Variants in TNKS observed in about 807,000 individuals in gnomAD.
TNKS encodes poly [ADP-ribose] polymerase tankyrase-1.
A neutral mutation model predicts 135.8 loss-of-function variants in TNKS; 72 were observed. That is an observed-to-expected ratio of 0.53 (90% CI 0.44 to 0.64). The LOEUF (loss-of-function observed/expected upper bound fraction) is 0.64. Ranked by LOEUF, TNKS falls within the 30% of genes least tolerant of loss-of-function variation. The pLI is 0.00. For synonymous variants in TNKS, 849 were observed against 649.3 expected, an observed-to-expected ratio of 1.31 and a Z score of -4.68; for missense variants, 1,769 against 1,674.0, an observed-to-expected ratio of 1.06 and a Z score of -0.99.
intron 2 of TNKS, among the ~76,000 whole-genome samples, chr8:9,611,385 G>C (rs770461900): frequency 1.1e-4 from 17 of 151,978 alleles, no homozygotes; most frequent in South Asian, 2.1e-4. Flanking sequence ...GGTGTATTTT[G>C]GGAACTTTGC....
chr8:9,767,953 C>T (rs778539132), intron 25 of TNKS, among the ~76,000 whole-genome samples: 74 of 133,498 alleles, frequency 5.5e-4, no homozygotes, highest in Non-Finnish European at 9.1e-4. Context: ...AGAGAGACTC[C>T]GTCTCAAAAA....
rs562090697 is a variant in TNKS at position 9,781,027 on chromosome 8, G to A, written c.*4291G>A. On this transcript the variant is annotated 3_prime_UTR_variant, in exon 27 of 27. Transcript: ENST00000310430. Reference sequence around the variant, plus strand: ...TAATTGTTTTAAAATGTAAATTATGGTTATGCTAAAGTGAAAACCTAGAGG... The same window carrying A: ...TAATTGTTTTAAAATGTAAATTATGATTATGCTAAAGTGAAAACCTAGAGG... The A allele has an allele frequency of 1.8e-4, 28 of 152,240 alleles. No homozygotes were observed. Among genetic ancestry groups the A allele is most frequent in the African/African-American group, 6.7e-4 (28 of 41,536 alleles). 9.4% of individuals were successfully genotyped at this position (152,240 alleles called of 1,614,324 possible).
At chr8:9,682,505 C>T (rs1030074311) in intron 5 of TNKS, among the ~76,000 whole-genome samples, 2 of 152,078 alleles carry the variant, frequency 1.3e-5, no homozygotes, top group Non-Finnish European at 2.9e-5. Flanking sequence ...CTTCCTTTAA[C>T]TAGAACCAAT....
intron 3 of TNKS, among the ~76,000 whole-genome samples, chr8:9,671,443 G>A (rs536929035): frequency 2.3e-4 from 35 of 152,256 alleles, no homozygotes; most frequent in African/African-American, 8.2e-4. Flanking sequence ...TCAAAGTACC[G>A]ATATGTCCAA....
At chr8:9,766,804 C>T (rs1397113495) in intron 25 of TNKS, among the ~76,000 whole-genome samples, 3 of 152,050 alleles carry the variant, frequency 2.0e-5, no homozygotes, top group Non-Finnish European at 4.4e-5. Flanking sequence ...TTATCAGGCT[C>T]TGCAGAAGTC....
chr8:9,589,585 T>C (rs1371109578), intron 2 of TNKS, among the ~76,000 whole-genome samples: 1 of 152,220 alleles, frequency 6.6e-6, no homozygotes, highest in Non-Finnish European at 1.5e-5. Context: ...TGCCCCACTT[T>C]GAGTTAGATG....
At chr8:9,655,288 C>T (rs1013849543) in intron 3 of TNKS, among the ~76,000 whole-genome samples, 3 of 152,220 alleles carry the variant, frequency 2.0e-5, no homozygotes, top group Non-Finnish European at 4.4e-5. Context: ...AGGAGGCCTG[C>T]CTGCCTCTGT....
chr8:9,681,630 G>T (rs1802786538), intron 5 of TNKS, among the ~76,000 whole-genome samples: 1 of 152,032 alleles, frequency 6.6e-6, no homozygotes, highest in South Asian at 2.1e-4. Flanking sequence ...GAGGAAAATT[G>T]TATGTCTGAT....
chr8:9,712,454 T>G (rs891003461), intron 11 of TNKS, among the ~76,000 whole-genome samples: 1 of 152,104 alleles, frequency 6.6e-6, no homozygotes, highest in African/African-American at 2.4e-5. Flanking sequence ...TACTGCAGCC[T>G]GGGCAACAGA....
chr8:9,641,647 AT>A (rs368917104), intron 3 of TNKS, among the ~76,000 whole-genome samples: 2,127 of 141,136 alleles, frequency 0.015, 220 homozygotes, highest in African/African-American at 0.027. Context: ...CTGAGAATGT[AT>A]TTTTTTTTTA....
chr8:9,723,014 T>C (rs764218631), intron 12 of TNKS, among the ~76,000 whole-genome samples: 1 of 152,118 alleles, frequency 6.6e-6, no homozygotes, highest in Non-Finnish European at 1.5e-5. Context: ...TCCTTTAAAA[T>C]TGATTTTTGA....
chr8:9,655,960 G>C (rs866956846), intron 3 of TNKS, among the ~76,000 whole-genome samples: 2 of 152,244 alleles, frequency 1.3e-5, no homozygotes, highest in South Asian at 2.1e-4. Flanking sequence ...AAAGGAGGAG[G>C]TTTGAACCGA....
intron 26 of TNKS, among the ~76,000 whole-genome samples, chr8:9,772,078 A>G (rs908302875): frequency 7.5e-6 from 1 of 133,862 alleles, no homozygotes; most frequent in African/African-American, 2.9e-5. Context: ...GGAGAGAGGG[A>G]GAGAGAAGGA....
intron 5 of TNKS, among the ~76,000 whole-genome samples, chr8:9,682,315 A>T (rs1473766869): frequency 6.6e-6 from 1 of 152,120 alleles, no homozygotes; most frequent in Non-Finnish European, 1.5e-5. Context: ...GATTTCTGTC[A>T]CAGCCTCGTT....
At chr8:9,638,694 G>C (rs566724382) in intron 3 of TNKS, among the ~76,000 whole-genome samples, 1 of 152,174 alleles carries the variant, frequency 6.6e-6, no homozygotes, top group African/African-American at 2.4e-5. Context: ...TTTAACCAAA[G>C]AGTGGAAGTA....
At chr8:9,568,449 G>A (rs1797632836) in intron 1 of TNKS, among the ~76,000 whole-genome samples, 1 of 151,936 alleles carries the variant, frequency 6.6e-6, no homozygotes, top group Non-Finnish European at 1.5e-5. Flanking sequence ...TTGTTTATGT[G>A]GGTTCTGTCT....
intron 2 of TNKS, among the ~76,000 whole-genome samples, chr8:9,604,443 G>C (rs568369990): frequency 5.0e-4 from 76 of 152,130 alleles, no homozygotes; most frequent in South Asian, 1.5e-3. Context: ...GTTGGTAGTA[G>C]AATTAAATAG....
At chr8:9,565,348 C>T (rs975974033) in intron 1 of TNKS, among the ~76,000 whole-genome samples, 1 of 151,936 alleles carries the variant, frequency 6.6e-6, no homozygotes, top group Admixed American at 6.6e-5. Flanking sequence ...ATCCCTTTTG[C>T]CTTTTCAGTA....
intron 17 of TNKS, among the ~76,000 whole-genome samples, chr8:9,745,966 A>G (rs1806212675): frequency 6.6e-6 from 1 of 152,186 alleles, no homozygotes; most frequent in Non-Finnish European, 1.5e-5. Flanking sequence ...GAAGATAGAA[A>G]GTGACATGCA....
Sources: gnomAD v4.1 joint callset for allele counts (sites outside exome capture counted in the v4.1 genomes callset) on GRCh38, gnomAD v4.1.1 for gene constraint, MANE v1.5 for transcripts, NCBI Gene and HGNC (gene_info 2026-07-23, HGNC 2026-07-21) for gene names.